SLC6A17: variants seen among roughly 807,000 people sequenced by gnomAD.
The protein encoded by SLC6A17 is sodium-dependent neutral amino acid transporter SLC6A17.
Under a neutral mutation model 64.5 loss-of-function variants are expected in SLC6A17, and 21 were observed. The observed-to-expected ratio is 0.33, with a 90% CI of 0.23 to 0.47. The LOEUF (loss-of-function observed/expected upper bound fraction) is 0.47. SLC6A17 is among the 20% of genes least tolerant of loss of function. SLC6A17 has a pLI of 1.00. For missense variants in SLC6A17, 682 were observed against 963.2 expected, an observed-to-expected ratio of 0.71 and a Z score of 3.86; for synonymous variants, 372 against 399.5, an observed-to-expected ratio of 0.93 and a Z score of 0.82.
At chr1:110,190,329 C>T (rs1399503579) in intron 6 of SLC6A17, among the ~76,000 whole-genome samples, 1 of 152,172 alleles carries the variant, frequency 6.6e-6, no homozygotes, top group African/African-American at 2.4e-5. Flanking sequence ...CCAGGCAGTC[C>T]TCCTGGGTCT....
chr1:110,194,935 C>T (rs1656922127), intron 9 of SLC6A17, 164 bp downstream of exon 9: 2 of 844,064 alleles, frequency 2.4e-6, no homozygotes, highest in East Asian at 2.7e-5. Flanking sequence ...GATTAGCACT[C>T]ACAAGCCAGG....
At chr1:110,197,307 A>G (rs1223582549) in intron 10 of SLC6A17, 130 bp from the exon 11 acceptor site, 1 of 1,228,690 alleles carries the variant, frequency 8.1e-7, no homozygotes, top group Non-Finnish European at 1.1e-6. Context: ...TGAGCACTGA[A>G]TGTGAAGAAT....
Position 110,194,657 on chromosome 1 carries a change from G to A in SLC6A17, c.1378G>A (p.Val460Ile), listed in dbSNP as rs145806724. Residue 460 changes from valine to isoleucine, a missense_variant, in exon 9 of 12, where the codon GTC (valine) becomes ATC (isoleucine). Val to Ile is a conservative substitution (Grantham distance 29). Coordinates refer to ENST00000331565, the MANE Select transcript of SLC6A17 (RefSeq NM_001010898.4). ...CTTCCCCGCCTCCCCGTTCTGGTCCGTCATGTTCTTCTTGATGCTTATCAA... is the reference window on the plus strand; with the variant it reads ...CTTCCCCGCCTCCCCGTTCTGGTCCATCATGTTCTTCTTGATGCTTATCAA... The part of the protein sequence containing the change: ...THFPASPFWS[V>I]MFFLMLINLG... The A allele has an allele frequency of 8.1e-6, 13 of 1,614,042 alleles. No individual in the cohort carries two copies. Among genetic ancestry groups the A allele is most frequent in the Non-Finnish European group, 1.0e-5 (12 of 1,180,048 alleles).
Position 110,166,835 on chromosome 1 carries a change from T to A in SLC6A17, c.-87-8T>A. The A allele has an allele frequency of 2.1e-6, 3 of 1,458,040 alleles. No homozygotes were observed. The highest frequency in any genetic ancestry group is 2.9e-5 in the South Asian group (2 of 69,242). 90.3% of individuals were successfully genotyped at this position (1,458,040 alleles called of 1,614,324 possible). A position where few individuals can be genotyped will look rare whatever the true frequency, so the allele number is the denominator to read the frequency against. ...AGATAATCCTTTACTGCTCACCTGG[T>A]TTCCTAGGTCCCTGAATGAGAAGGA... On this transcript the variant is annotated splice_region_variant and splice_polypyrimidine_tract_variant and intron_variant, in intron 1 of 11. Coordinates refer to ENST00000331565, the MANE Select transcript of SLC6A17 (RefSeq NM_001010898.4).
intron 1 of SLC6A17, among the ~76,000 whole-genome samples, chr1:110,154,736 A>G (rs930922486): frequency 3.3e-5 from 5 of 152,198 alleles, no homozygotes; most frequent in Non-Finnish European, 7.3e-5. Flanking sequence ...ATTTCTGCAT[A>G]TGCAGAATCA....
chr1:110,163,018 T>TAA (rs67702050), intron 1 of SLC6A17, among the ~76,000 whole-genome samples: 2,283 of 102,106 alleles, frequency 0.022, 89 homozygotes, highest in African/African-American at 0.083. Flanking sequence ...CCCATGTTGG[T>TAA]AAAAAAAAAA....
At chr1:110,187,924 AG>A (rs1221701510) in intron 6 of SLC6A17, among the ~76,000 whole-genome samples, 3 of 152,252 alleles carry the variant, frequency 2.0e-5, no homozygotes, top group African/African-American at 7.2e-5. Flanking sequence ...GGCACAGTAC[AG>A]GCCCCCATTT....
At chr1:110,187,595 T>A (rs1656717769) in intron 6 of SLC6A17, among the ~76,000 whole-genome samples, 1 of 152,248 alleles carries the variant, frequency 6.6e-6, no homozygotes, top group Non-Finnish European at 1.5e-5. Flanking sequence ...TACCTTCTTT[T>A]AGAAAATTTC....
rs1334090420 is a variant in SLC6A17, at chr1:110,172,205, C to A, written c.432C>A (p.Phe144Leu). The A allele has an allele frequency of 1.9e-6, 3 of 1,590,192 alleles. No homozygotes were observed. The highest frequency in any genetic ancestry group is 2.7e-5 in the African/African-American group (2 of 74,358). The change falls in exon 3 of 12, where the codon TTC (phenylalanine) becomes TTA (leucine). Residue 144 changes from phenylalanine (F) to leucine (L), a missense_variant. Around this residue, in one of 3 missense-constraint regions of SLC6A17, gnomAD observed 415 missense variants for 603.8 expected, o/e 0.69. Transcript: ENST00000331565. ...GTCCCCGCCTGGGGGGCATCGGCTT[C>A]TCCAGCTGCATAGTGAGTCAAGGGC... ...YICPRLGGIG[F>L]SSCIVCLFVG...
At chr1:110,170,312 G>A (rs868007588) in intron 2 of SLC6A17, among the ~76,000 whole-genome samples, 1 of 152,152 alleles carries the variant, frequency 6.6e-6, no homozygotes, top group African/African-American at 2.4e-5. Context: ...GTGAAACCCC[G>A]TCTCTACTAA....
rs1470035531 is a variant in SLC6A17 at position 110,199,002 on chromosome 1, C to T, written c.*558C>T. On this transcript the variant is annotated 3_prime_UTR_variant, in exon 12 of 12. Coordinates refer to ENST00000331565, the MANE Select transcript of SLC6A17 (RefSeq NM_001010898.4). ...AGCAGGTGTGCCAGGGCTCAGGGCT[C>T]AGACTTGGGAGGGCCTAGGCAGAAG... The T allele has an allele frequency of 3.3e-5, 5 of 153,164 alleles. No homozygotes were observed. The highest frequency in any genetic ancestry group is 1.3e-4 in the Admixed American group (2 of 15,380). 9.5% of individuals were successfully genotyped at this position (153,164 alleles called of 1,614,324 possible).
Position 110,199,753 on chromosome 1 carries a change from T to G in SLC6A17, c.*1309T>G. ...CTGACAACAGCGACCCCACCTGCCA[T>G]TACCTTCAGGGCCTCCTCTGGAAGA... On this transcript the variant is annotated 3_prime_UTR_variant, in exon 12 of 12. Transcript: ENST00000331565. 1 of 382,340 alleles carries G rather than the reference T, an allele frequency of 2.6e-6. No individual in the cohort carries two copies. Among genetic ancestry groups the G allele is most frequent in the Non-Finnish European group, 4.6e-6 (1 of 216,042 alleles). 23.7% of individuals were successfully genotyped at this position (382,340 alleles called of 1,614,324 possible). A position where few individuals can be genotyped will look rare whatever the true frequency, so the allele number is the denominator to read the frequency against.
intron 6 of SLC6A17, among the ~76,000 whole-genome samples, chr1:110,191,327 C>G (rs1260801069): frequency 6.6e-6 from 1 of 152,226 alleles, no homozygotes; most frequent in African/African-American, 2.4e-5. Flanking sequence ...GAAATTGCTC[C>G]ATGCCATCCC....
rs1345748031 is a variant in SLC6A17, at chr1:110,199,022, C to A, written c.*578C>A. 1 of 153,194 alleles carries A rather than the reference C, an allele frequency of 6.5e-6. No homozygotes were observed. The highest frequency in any genetic ancestry group is 2.4e-5 in the African/African-American group (1 of 41,572). 9.5% of individuals were successfully genotyped at this position (153,194 alleles called of 1,614,324 possible). A position where few individuals can be genotyped will look rare whatever the true frequency, so the allele number is the denominator to read the frequency against. On this transcript the variant is annotated 3_prime_UTR_variant, in exon 12 of 12. Transcript: ENST00000331565. ...GGGCTCAGACTTGGGAGGGCCTAGG[C>A]AGAAGCCCCAAGTTCTGTTTTCTGA...
chr1:110,172,806 C>T (rs116731294), intron 3 of SLC6A17, among the ~76,000 whole-genome samples: 1,657 of 152,312 alleles, frequency 0.011, 28 homozygotes, highest in African/African-American at 0.037. Context: ...TTTGTGAGGT[C>T]TCCAGGCTCA....
rs151273930 is a variant in SLC6A17, at chr1:110,171,967, G to A, written c.287-93G>A. ...TGACAATTTGCGGATGACCAGAGATGTGGCTGAGACTGGAAGACATGGCTG... is the reference window on the plus strand; with the variant it reads ...TGACAATTTGCGGATGACCAGAGATATGGCTGAGACTGGAAGACATGGCTG... On this transcript the variant is annotated intron_variant, in intron 2 of 11. Transcript: ENST00000331565. 6.5e-5 allele frequency: 98 copies of A among 1,503,526 alleles called. No individual in the cohort carries two copies. In the African/African-American group the frequency reaches 1.1e-3, roughly 17 times the overall value. The allele number at this position is 1,503,526 out of a possible 1,614,324, so 93.1% of individuals were successfully genotyped here.
At chr1:110,151,911 AG>A (rs1248737442) in intron 1 of SLC6A17, among the ~76,000 whole-genome samples, 1 of 152,104 alleles carries the variant, frequency 6.6e-6, no homozygotes, top group Non-Finnish European at 1.5e-5. Flanking sequence ...TTGGGGAGAC[AG>A]GGAAGTGGTA....
intron 10 of SLC6A17, 56 bp downstream of exon 10, chr1:110,195,801 C>T: frequency 6.2e-7 from 1 of 1,601,008 alleles, no homozygotes; most frequent in East Asian, 2.2e-5. Flanking sequence ...CCTATCATGA[C>T]TCCCTGGAGA....
chr1:110,172,855 C>T (rs533289236), intron 3 of SLC6A17, among the ~76,000 whole-genome samples: 3 of 152,324 alleles, frequency 2.0e-5, no homozygotes, highest in Admixed American at 1.3e-4. Context: ...CAGAGCTCTA[C>T]GTGAGGAAAC....
Sources: allele counts gnomAD v4.1 joint callset (sites outside exome capture counted in the v4.1 genomes callset), GRCh38; gene constraint gnomAD v4.1.1; regional missense constraint gnomAD v4.1.1; transcripts MANE v1.5; gene names NCBI Gene and HGNC (gene_info 2026-07-23, HGNC 2026-07-21).